INHBA: variants seen among roughly 807,000 people sequenced by gnomAD.
INHBA encodes the protein inhibin subunit beta A.
INHBA carries 1 observed loss-of-function variant against 29.0 expected under a neutral mutation model. The observed-to-expected ratio is 0.03, with a 90% CI of 0.01 to 0.16. The LOEUF is 0.16. Ranked by LOEUF, INHBA falls within the 10% of genes least tolerant of loss-of-function variation. INHBA has a pLI of 1.00. For synonymous variants in INHBA, 242 were observed against 216.8 expected, an observed-to-expected ratio of 1.12 and a Z score of -1.02; for missense variants, 376 against 545.4, an observed-to-expected ratio of 0.69 and a Z score of 3.09.
rs1346404160 is a variant in INHBA, at chr7:41,689,612, G to A, written c.*38C>T. The A allele has an allele frequency of 6.8e-7, 1 of 1,470,466 alleles. No homozygotes were observed. Among genetic ancestry groups the A allele is most frequent in the Admixed American group, 2.4e-5 (1 of 41,804 alleles). 91.1% of individuals were successfully genotyped at this position (1,470,466 alleles called of 1,614,324 possible). A position where few individuals can be genotyped will look rare whatever the true frequency, so the allele number is the denominator to read the frequency against. ...CTTCATTTTGCCACTGTCTTCTCTG[G>A]ACAACTCTTGCTCCCTTTCCCCCTG... On this transcript the variant is annotated 3_prime_UTR_variant, in exon 3 of 3. Coordinates refer to ENST00000242208, the MANE Select transcript of INHBA (RefSeq NM_002192.4).
At position 41,689,220 on chromosome 7, in the gene INHBA, C is replaced by G; in HGVS notation, c.*430G>C. On this transcript the variant is annotated 3_prime_UTR_variant, in exon 3 of 3. Coordinates refer to ENST00000242208, the MANE Select transcript of INHBA (RefSeq NM_002192.4). ...GGGTAGGAAAGTGCCTGTGATGGGC[C>G]CTTTCAAACTCATGGCTTTCTAGAT... is the stretch of plus-strand genomic sequence containing the variant. 4.2e-6 allele frequency: 1 copy of G among 236,406 alleles called. No individual in the cohort carries two copies. Among genetic ancestry groups the G allele is most frequent in the Non-Finnish European group, 8.3e-6 (1 of 120,536 alleles). The allele number at this position is 236,406 out of a possible 1,614,324, so 14.6% of individuals were successfully genotyped here.
At chr7:41,694,431 T>C (rs1260364196) in intron 2 of INHBA, among the ~76,000 whole-genome samples, 1 of 152,206 alleles carries the variant, frequency 6.6e-6, no homozygotes, top group Non-Finnish European at 1.5e-5. Context: ...GCTGGGATGT[T>C]CAGGATCAAT....
chr7:41,688,475 T>A lies in INHBA; in HGVS notation c.*1175A>T, dbSNP rs1489647192. 6.6e-6 allele frequency: 1 copy of A among 152,108 alleles called. No individual in the cohort carries two copies. The highest frequency in any genetic ancestry group is 2.4e-5 in the African/African-American group (1 of 41,428). The allele number at this position is 152,108 out of a possible 1,614,324, so 9.4% of individuals were successfully genotyped here. On this transcript the variant is annotated 3_prime_UTR_variant, in exon 3 of 3. Transcript: ENST00000242208. Reference sequence around the variant, plus strand: ...TGAATGATACCAACCACAGACAGACTGTTTAAAGGCTCACACAAATGTCTT... The same window carrying A: ...TGAATGATACCAACCACAGACAGACAGTTTAAAGGCTCACACAAATGTCTT...
chr7:41,703,073 T>C lies in INHBA; in HGVS notation c.-212A>G, dbSNP rs1794829173. On this transcript the variant is annotated 5_prime_UTR_variant, in exon 1 of 3. Coordinates refer to ENST00000242208, the MANE Select transcript of INHBA (RefSeq NM_002192.4). ...TGGTAAGAGCTGTCTGAGCTCCTCT[T>C]CATGGTATTGGCACTGTGAAGTTTT... is the stretch of plus-strand genomic sequence containing the variant. 6.6e-6 allele frequency: 1 copy of C among 152,222 alleles called. No individual in the cohort carries two copies. The highest frequency in any genetic ancestry group is 1.5e-5 in the Non-Finnish European group (1 of 68,044). 9.4% of individuals were successfully genotyped at this position (152,222 alleles called of 1,614,324 possible).
chr7:41,699,839 A>C, intron 2 of INHBA, 148 bp downstream of exon 2: 2 of 600,746 alleles, frequency 3.3e-6, no homozygotes, highest in African/African-American at 1.9e-5. Context: ...TCCGTCGGCT[A>C]GTCCGCTACC....
Position 41,690,406 on chromosome 7 carries a change from G to T in INHBA, c.525C>A (p.Leu175=). The T allele has an allele frequency of 6.2e-7, 1 of 1,614,108 alleles. No homozygotes were observed. The highest frequency in any genetic ancestry group is 8.5e-7 in the Non-Finnish European group (1 of 1,180,024). Residue 175 remains leucine, a synonymous_variant, in exon 3 of 3, where the codon CTC becomes CTA. Coordinates refer to ENST00000242208, the MANE Select transcript of INHBA (RefSeq NM_002192.4). ...CCTGCGGGTGCTTCTGCTGCTGGAAGAGGCGGATGGTGACTTTGGTCCTGG... is the reference window on the plus strand; with the variant it reads ...CCTGCGGGTGCTTCTGCTGCTGGAATAGGCGGATGGTGACTTTGGTCCTGG... ...NRTRTKVTIR[L]FQQQKHPQGS...
upstream of INHBA, among the ~76,000 whole-genome samples, chr7:41,703,358 T>C (rs1487936330): frequency 6.6e-6 from 1 of 152,196 alleles, no homozygotes; most frequent in African/African-American, 2.4e-5. Flanking sequence ...AATAGATATG[T>C]CTCAATGAGT....
rs151304258 is a variant in INHBA, at chr7:41,689,513, GT to G, written c.*136del. 1,052 of 712,774 alleles carry G rather than the reference GT, an allele frequency of 1.5e-3. 10 individuals carry two copies. In the African/African-American group the frequency reaches 0.016, roughly 11 times the overall value. The allele number at this position is 712,774 out of a possible 1,614,324, so 44.2% of individuals were successfully genotyped here. A position where few individuals can be genotyped will look rare whatever the true frequency, so the allele number is the denominator to read the frequency against. On this transcript the variant is annotated 3_prime_UTR_variant, in exon 3 of 3. Coordinates refer to ENST00000242208, the MANE Select transcript of INHBA (RefSeq NM_002192.4). ...CAGGTTTTGTTTTTAATTTACTTTT[GT>G]TTTTTTTTGTTTTTTTTTTTGTTTT...
At chr7:41,693,731 T>C (rs1001426364) in intron 2 of INHBA, among the ~76,000 whole-genome samples, 2 of 152,230 alleles carry the variant, frequency 1.3e-5, no homozygotes, top group Admixed American at 6.5e-5. Context: ...TGGTCTTGGC[T>C]GATAATTAAC....
rs771398408 is a variant in INHBA, at chr7:41,690,526, C to A, written c.405G>T (p.Thr135=). ...TFAESGTARK[T]LHFEISKEGS... is the part of the protein sequence containing the mutation. The stretch of plus-strand genomic sequence containing the variant: ...CTTCCTTGGAAATCTCGAAGTGCAG[C>A]GTCTTCCTGGCTGTTCCTGAAGATG... The change falls in exon 3 of 3, where the codon ACG becomes ACT. Residue 135 remains threonine, a synonymous_variant. Coordinates refer to ENST00000242208, the MANE Select transcript of INHBA (RefSeq NM_002192.4). 1.7e-5 allele frequency: 28 copies of A among 1,603,536 alleles called. No individual in the cohort carries two copies. The East Asian group carries it at 6.0e-4, about 35-fold the overall frequency.
rs1309932151 is a variant in INHBA at position 41,690,303 on chromosome 7, C to G, written c.628G>C (p.Val210Leu). ...ERSELLLSEK[V>L]VDARKSTWHV... ...CAGGTGCTCTTCCGAGCGTCTACTA[C>G]TTTTTCAGAGAGCAACAGTTCACTC... Residue 210 changes from valine (V) to leucine (L), a missense_variant, in exon 3 of 3, where the codon GTA (valine) becomes CTA (leucine). Transcript: ENST00000242208. The G allele has an allele frequency of 1.9e-6, 3 of 1,614,086 alleles. No homozygotes were observed. Among genetic ancestry groups the G allele is most frequent in the Non-Finnish European group, 2.5e-6 (3 of 1,180,012 alleles).
At chr7:41,691,156 A>C (rs1794516214) in intron 2 of INHBA, 1 of 152,480 alleles carries the variant, frequency 6.6e-6, no homozygotes, top group East Asian at 1.9e-4. Flanking sequence ...AGGAAATACT[A>C]TTCTCAGACA....
chr7:41,700,246 G>A lies in INHBA; in HGVS notation c.129C>T (p.Leu43=). ...PDCPSCALAA[L]PKDVPNSQPE... Reference sequence around the variant, plus strand: ...GCTGAGAGTTGGGTACATCCTTTGGGAGGGCGGCCAGCGCACAGGACGGAC... The same window carrying A: ...GCTGAGAGTTGGGTACATCCTTTGGAAGGGCGGCCAGCGCACAGGACGGAC... Residue 43 remains leucine, a synonymous_variant, in exon 2 of 3, where the codon CTC becomes CTT. Transcript: ENST00000242208. 4 of 1,611,818 alleles carry A rather than the reference G, an allele frequency of 2.5e-6. No homozygotes were observed. The highest frequency in any genetic ancestry group is 3.4e-6 in the Non-Finnish European group (4 of 1,178,446).
intron 2 of INHBA, among the ~76,000 whole-genome samples, chr7:41,694,949 C>CAG (rs755404169): frequency 6.6e-6 from 1 of 152,182 alleles, no homozygotes; most frequent in Non-Finnish European, 1.5e-5. Flanking sequence ...GTGTTTGCAG[C>CAG]ACATTTTCCT....
At chr7:41,690,580 C>G (rs1198189849) in intron 2 of INHBA, 38 bp from the exon 3 acceptor site, 1 of 1,508,096 alleles carries the variant, frequency 6.6e-7, no homozygotes, top group Non-Finnish European at 8.8e-7. Context: ...AACAGGCACA[C>G]CTGTTAATTC....
chr7:41,699,560 A>C (rs1583598868), intron 2 of INHBA, among the ~76,000 whole-genome samples: 1 of 151,812 alleles, frequency 6.6e-6, no homozygotes, highest in South Asian at 2.1e-4. Flanking sequence ...TCACCCCTCT[A>C]CCCTCAATAA....
Position 41,686,689 on chromosome 7 carries a change from T to C in INHBA, c.*2961A>G, listed in dbSNP as rs780521299. Reference sequence around the variant, plus strand: ...TATGGAATAAGTTTCAAATAAAATATGGAATTACATTTCTCTGCTTCTGAT... The same window carrying C: ...TATGGAATAAGTTTCAAATAAAATACGGAATTACATTTCTCTGCTTCTGAT... On this transcript the variant is annotated 3_prime_UTR_variant, in exon 3 of 3. Coordinates refer to ENST00000242208, the MANE Select transcript of INHBA (RefSeq NM_002192.4). The C allele has an allele frequency of 6.6e-6, 1 of 152,198 alleles. No homozygotes were observed. The highest frequency in any genetic ancestry group is 2.4e-5 in the African/African-American group (1 of 41,454). 9.4% of individuals were successfully genotyped at this position (152,198 alleles called of 1,614,324 possible). A position where few individuals can be genotyped will look rare whatever the true frequency, so the allele number is the denominator to read the frequency against.
Position 41,700,043 on chromosome 7 carries a change from G to T in INHBA, c.332C>A (p.Ala111Glu), listed in dbSNP as rs1339899817. 1.1e-5 allele frequency: 18 copies of T among 1,604,748 alleles called. No homozygotes were observed. The highest frequency in any genetic ancestry group is 1.4e-5 in the Non-Finnish European group (17 of 1,178,890). The part of the protein sequence containing the change: ...VEIEDDIGRR[A>E]EMNELMEQTS... ...CTGCTCCATAAGTTCATTCATTTCT[G>T]CCCTCCTTCCAATGTCATCCTCTAT... The change falls in exon 2 of 3, where the codon GCA (alanine) becomes GAA (glutamate). Residue 111 changes from alanine to glutamate, a missense_variant. Transcript: ENST00000242208.
chr7:41,700,950 AG>A (rs1794778031), intron 1 of INHBA, among the ~76,000 whole-genome samples: 1 of 151,236 alleles, frequency 6.6e-6, no homozygotes, highest in Middle Eastern at 3.2e-3. Flanking sequence ...GTGATTAGGG[AG>A]GGAGGGACAG....
Sources: allele counts gnomAD v4.1 joint callset (sites outside exome capture counted in the v4.1 genomes callset), GRCh38; gene constraint gnomAD v4.1.1; transcripts MANE v1.5; gene names NCBI Gene and HGNC (gene_info 2026-07-23, HGNC 2026-07-21).